Variants in NMNAT3 observed in about 807,000 individuals in gnomAD.
The protein encoded by NMNAT3 is nicotinamide nucleotide adenylyltransferase 3.
A neutral mutation model predicts 24.8 loss-of-function variants in NMNAT3; 21 were observed. That is an observed-to-expected ratio of 0.85 (90% confidence interval 0.60 to 1.22). NMNAT3 has a LOEUF of 1.22. NMNAT3 is among the 50% of genes most tolerant of loss of function. NMNAT3 has a pLI of 0.00. For missense variants in NMNAT3, 387 were observed against 436.6 expected, an observed-to-expected ratio of 0.89 and a Z score of 1.01; for synonymous variants, 136 against 155.2, an observed-to-expected ratio of 0.88 and a Z score of 0.92.
Position 139,578,920 on chromosome 3 carries a change from G to C in NMNAT3, c.527C>G (p.Pro176Arg). The C allele has an allele frequency of 6.2e-7, 1 of 1,614,196 alleles. No homozygotes were observed. The highest frequency in any genetic ancestry group is 8.5e-7 in the Non-Finnish European group (1 of 1,180,038). The change falls in exon 5 of 7, where the codon CCT (proline) becomes CGT (arginine). Residue 176 changes from proline to arginine, a missense_variant. Physicochemically the swap from Pro to Arg is moderately radical, Grantham distance 103 (BLOSUM62 -2). This residue lies in a region of NMNAT3 where 323 missense variants were observed against 345.2 expected (regional missense o/e 0.94). Coordinates refer to ENST00000643695, the MANE Select transcript of NMNAT3 (RefSeq NM_001320510.2). ...CCACTGTGCCTGCTCACTCTCCCAA[G>C]GGTCCACCCGGATCCAGTCGGATGT...
intron 3 of NMNAT3, among the ~76,000 whole-genome samples, chr3:139,611,035 TG>T (rs56354350): frequency 6.6e-6 from 1 of 151,600 alleles, no homozygotes; most frequent in African/African-American, 2.4e-5. Context: ...TTGGTGAGGA[TG>T]GGGGGGGTGG....
At chr3:139,586,167 T>A (rs991501776) in intron 3 of NMNAT3, among the ~76,000 whole-genome samples, 18 of 152,270 alleles carry the variant, frequency 1.2e-4, no homozygotes, top group African/African-American at 3.9e-4. Context: ...AAGTGGAAGC[T>A]AATGATGAGA....
In NMNAT3 at chr3:139,598,233, T is replaced by G. The variant is rs1003366283; in HGVS notation, c.110-15025A>C. Among the ~76,000 whole-genome samples the G allele has an allele frequency of 2.6e-5, 4 of 152,194 alleles. No homozygotes were observed. The East Asian group carries it at 7.7e-4, about 29-fold the overall frequency. On this transcript the variant is annotated intron_variant, in intron 3 of 6. Transcript: ENST00000643695. ...GGATCATCTCATCTCCTGGTTTACA[T>G]GCTCTTCTAGAACCTGGCCACTCTT...
Position 139,560,864 on chromosome 3 carries a change from C to G in NMNAT3, c.*146G>C. The G allele has an allele frequency of 1.3e-6, 1 of 753,718 alleles. No homozygotes were observed. Among genetic ancestry groups the G allele is most frequent in the East Asian group, 2.5e-5 (1 of 39,628 alleles). 46.7% of individuals were successfully genotyped at this position (753,718 alleles called of 1,614,324 possible). A position where few individuals can be genotyped will look rare whatever the true frequency, so the allele number is the denominator to read the frequency against. ...GTAAAGAAGGTATCTCTTCCTGGGACAGAAGACTCCTCAGAAGTAGAATCA... is the reference window on the plus strand; with the variant it reads ...GTAAAGAAGGTATCTCTTCCTGGGAGAGAAGACTCCTCAGAAGTAGAATCA... On this transcript the variant is annotated 3_prime_UTR_variant, in exon 7 of 7. Coordinates refer to ENST00000643695, the MANE Select transcript of NMNAT3 (RefSeq NM_001320510.2).
chr3:139,578,199 G>A (rs1366524270), intron 5 of NMNAT3, among the ~76,000 whole-genome samples: 1 of 152,178 alleles, frequency 6.6e-6, no homozygotes, highest in East Asian at 1.9e-4. Context: ...GTGACCCACT[G>A]CCCTAACATG....
chr3:139,646,326 TG>T (rs2056869558), intron 1 of NMNAT3, among the ~76,000 whole-genome samples: 1 of 152,232 alleles, frequency 6.6e-6, no homozygotes, highest in Non-Finnish European at 1.5e-5. Flanking sequence ...AGCCATGGTC[TG>T]GGATTTATTT....
chr3:139,616,902 T>C (rs1386258959), intron 3 of NMNAT3, among the ~76,000 whole-genome samples: 1 of 152,218 alleles, frequency 6.6e-6, no homozygotes, highest in Non-Finnish European at 1.5e-5. Flanking sequence ...TCTGTGTCTC[T>C]TGCTTTACCT....
chr3:139,639,235 C>T (rs2056614519), intron 1 of NMNAT3, among the ~76,000 whole-genome samples: 1 of 152,180 alleles, frequency 6.6e-6, no homozygotes, highest in Admixed American at 6.5e-5. Flanking sequence ...TAGGGTCTTG[C>T]TCAGAGTAGG....
At chr3:139,621,805 A>C (rs2055788152) in intron 3 of NMNAT3, among the ~76,000 whole-genome samples, 1 of 152,080 alleles carries the variant, frequency 6.6e-6, no homozygotes, top group African/African-American at 2.4e-5. Context: ...CATGTGTTCA[A>C]ATTTTTTAGC....
intron 1 of NMNAT3, among the ~76,000 whole-genome samples, chr3:139,661,860 G>A (rs2057425602): frequency 6.6e-6 from 1 of 151,786 alleles, no homozygotes; most frequent in African/African-American, 2.4e-5. Context: ...TCTAAAATAA[G>A]GACACCGTCT....
chr3:139,673,886 G>A (rs2057839411), intron 1 of NMNAT3, among the ~76,000 whole-genome samples: 1 of 152,044 alleles, frequency 6.6e-6, no homozygotes, highest in African/African-American at 2.4e-5. Context: ...GCCAAGCAGA[G>A]GAGGTAATTC....
chr3:139,606,316 T>G (rs1220611599), intron 3 of NMNAT3, among the ~76,000 whole-genome samples: 1 of 152,228 alleles, frequency 6.6e-6, no homozygotes, highest in African/African-American at 2.4e-5. Flanking sequence ...TTGTAGAACA[T>G]CCCTCAGTTT....
At chr3:139,563,728 G>T (rs422025) in intron 6 of NMNAT3, among the ~76,000 whole-genome samples, 1 of 151,914 alleles carries the variant, frequency 6.6e-6, no homozygotes, top group South Asian at 2.1e-4. Flanking sequence ...CTGTCTTCAG[G>T]GCTCACAAAC....
chr3:139,673,388 T>C (rs995866721), intron 1 of NMNAT3, among the ~76,000 whole-genome samples: 1 of 152,196 alleles, frequency 6.6e-6, no homozygotes, highest in Non-Finnish European at 1.5e-5. Flanking sequence ...AGCACAGTTG[T>C]TTTTAAAAGT....
intron 3 of NMNAT3, among the ~76,000 whole-genome samples, chr3:139,604,997 G>A (rs576971602): frequency 6.6e-6 from 1 of 152,318 alleles, no homozygotes; most frequent in South Asian, 2.1e-4. Flanking sequence ...GCAGTATGCA[G>A]GGCACTGGGT....
intron 4 of NMNAT3, among the ~76,000 whole-genome samples, chr3:139,580,416 C>G (rs769323951): frequency 6.6e-6 from 1 of 152,172 alleles, no homozygotes; most frequent in Non-Finnish European, 1.5e-5. Context: ...AGCCACCGTG[C>G]CCAGCCTGAA....
At chr3:139,663,851 GA>G (rs1020144977) in intron 1 of NMNAT3, among the ~76,000 whole-genome samples, 1 of 152,152 alleles carries the variant, frequency 6.6e-6, no homozygotes, top group African/African-American at 2.4e-5. Context: ...TCCCTGGCTG[GA>G]ATTTTCTGAG....
chr3:139,668,643 T>C (rs1025472013), intron 1 of NMNAT3, among the ~76,000 whole-genome samples: 5 of 152,348 alleles, frequency 3.3e-5, no homozygotes, highest in East Asian at 3.9e-4. Context: ...AAAACTTCCT[T>C]TGTTGACCAT....
At chr3:139,581,959 C>A (rs1488156780) in intron 4 of NMNAT3, among the ~76,000 whole-genome samples, 1 of 151,698 alleles carries the variant, frequency 6.6e-6, no homozygotes, top group Non-Finnish European at 1.5e-5. Context: ...CTTTGGGAGG[C>A]CGGGGTGGGG....
Sources: gnomAD v4.1 joint callset for allele counts (sites outside exome capture counted in the v4.1 genomes callset) on GRCh38, gnomAD v4.1.1 for gene constraint, gnomAD v4.1.1 regional missense constraint, MANE v1.5 for transcripts, NCBI Gene and HGNC (gene_info 2026-07-23, HGNC 2026-07-21) for gene names.